PTPRD: variants seen among roughly 807,000 people sequenced by gnomAD.
The protein encoded by PTPRD is receptor-type tyrosine-protein phosphatase delta.
PTPRD carries 34 observed loss-of-function variants against 214.5 expected under a neutral mutation model. The ratio of observed to expected loss-of-function variants is 0.16; its 90% CI spans 0.12 to 0.21. The LOEUF is 0.21. Among genes scored for constraint, PTPRD ranks in the 10% least tolerant of loss-of-function variants. The probability of loss-of-function intolerance (pLI) is 1.00; values close to 1 mark genes in which losing one functional copy is unlikely to be tolerated. For synonymous variants in PTPRD, 1,128 were observed against 845.7 expected, an observed-to-expected ratio of 1.33 and a Z score of -5.79; for missense variants, 2,545 against 2,398.7, an observed-to-expected ratio of 1.06 and a Z score of -1.27.
intron 11 of PTPRD, among the ~76,000 whole-genome samples, chr9:8,849,734 G>T (rs558058604): frequency 6.6e-6 from 1 of 152,242 alleles, no homozygotes; most frequent in African/African-American, 2.4e-5. Flanking sequence ...ACTGCACAAG[G>T]GCAGAGTATC....
chr9:8,805,224 C>G (rs941592525), intron 11 of PTPRD, among the ~76,000 whole-genome samples: 32 of 152,196 alleles, frequency 2.1e-4, no homozygotes, highest in African/African-American at 6.3e-4. Context: ...TTGGTATTAC[C>G]CAAATTACAG....
At chr9:10,093,990 C>T (rs527843690) in intron 3 of PTPRD, among the ~76,000 whole-genome samples, 17 of 151,420 alleles carry the variant, frequency 1.1e-4, no homozygotes, top group African/African-American at 4.1e-4. Context: ...GGGTACTATG[C>T]TCACTACCTG....
chr9:9,024,050 G>T lies in PTPRD; in HGVS notation c.-142-5315C>A, dbSNP rs190328516. On this transcript the variant is annotated intron_variant, in intron 10 of 45. Coordinates refer to ENST00000381196, the MANE Select transcript of PTPRD (RefSeq NM_002839.4). ...ATTGAAATTTACAAAATACATTGAA[G>T]AAAAAAGACAAAAATGAAAGTCATT... is the stretch of plus-strand genomic sequence containing the variant. Among the ~76,000 whole-genome samples the T allele has an allele frequency of 2.1e-3, 325 of 151,306 alleles. 1 individual carries two copies. The highest frequency in any genetic ancestry group is 7.4e-3 in the African/African-American group (304 of 41,296).
chr9:8,495,642 C>T (rs1275976395), intron 26 of PTPRD, among the ~76,000 whole-genome samples: 1 of 152,190 alleles, frequency 6.6e-6, no homozygotes, highest in African/African-American at 2.4e-5. Context: ...GTTTATTATA[C>T]ATTTAAAGCA....
intron 10 of PTPRD, among the ~76,000 whole-genome samples, chr9:9,071,520 G>C (rs2099743715): frequency 6.6e-6 from 1 of 152,116 alleles, no homozygotes; most frequent in South Asian, 2.1e-4. Context: ...CTAAGTTGCA[G>C]GGAACTGTGA....
chr9:9,977,554 AGG>A (rs1210999613), intron 4 of PTPRD, among the ~76,000 whole-genome samples: 2 of 152,134 alleles, frequency 1.3e-5, no homozygotes, highest in Non-Finnish European at 2.9e-5. Flanking sequence ...GTGATTTTTA[AGG>A]GGTTTCCAAG....
At chr9:9,867,158 A>G (rs1408454319) in intron 5 of PTPRD, among the ~76,000 whole-genome samples, 1 of 152,124 alleles carries the variant, frequency 6.6e-6, no homozygotes, top group African/African-American at 2.4e-5. Context: ...ATTTTTCCCT[A>G]AAGCTTAACT....
At chr9:8,804,769 A>C (rs1003789448) in intron 11 of PTPRD, among the ~76,000 whole-genome samples, 1 of 152,202 alleles carries the variant, frequency 6.6e-6, no homozygotes, top group Non-Finnish European at 1.5e-5. Context: ...TGTGCTGAAG[A>C]AATAAGAGTA....
chr9:9,950,989 A>C lies in PTPRD; in HGVS notation c.-471-12379T>G, dbSNP rs116067878. Reference sequence around the variant, plus strand: ...TCTAAGAATAGAATTTGGGGGCTGGATTACTCACTGGTATGAAAGTAACAA... The same window carrying C: ...TCTAAGAATAGAATTTGGGGGCTGGCTTACTCACTGGTATGAAAGTAACAA... On this transcript the variant is annotated intron_variant, in intron 4 of 45. Coordinates refer to ENST00000381196, the MANE Select transcript of PTPRD (RefSeq NM_002839.4). 2.8e-3 allele frequency among the ~76,000 whole-genome samples: 433 copies of C among 152,288 alleles called. 3 individuals are homozygous for C. Among genetic ancestry groups the C allele is most frequent in the African/African-American group, 9.5e-3 (394 of 41,554 alleles).
chr9:8,391,784 T>C (rs1217697812), intron 36 of PTPRD, among the ~76,000 whole-genome samples: 2 of 152,058 alleles, frequency 1.3e-5, no homozygotes, highest in African/African-American at 4.8e-5. Context: ...TCCCCCCTTA[T>C]CAAGGAAAGC....
At chr9:8,701,152 C>A (rs2098073597) in intron 12 of PTPRD, among the ~76,000 whole-genome samples, 1 of 151,614 alleles carries the variant, frequency 6.6e-6, no homozygotes. Context: ...CAAAGCAAGA[C>A]TCCATCTCAA....
chr9:9,613,122 GTATACATACATACATATA>G (rs1471272719), intron 7 of PTPRD, among the ~76,000 whole-genome samples: 24 of 68,126 alleles, frequency 3.5e-4, no homozygotes, highest in African/African-American at 2.1e-3. Context: ...CTAGGCTGCA[GTATACATACATACATATA>G]TATATATATA....
intron 7 of PTPRD, among the ~76,000 whole-genome samples, chr9:9,591,488 T>C (rs77270305): frequency 1.3e-5 from 2 of 151,946 alleles, no homozygotes; most frequent in East Asian, 1.9e-4. Flanking sequence ...GAGGACCCAG[T>C]TGAGCTGCAC....
intron 3 of PTPRD, among the ~76,000 whole-genome samples, chr9:10,066,442 C>G (rs2097886555): frequency 6.6e-6 from 1 of 151,710 alleles, no homozygotes; most frequent in African/African-American, 2.4e-5. Flanking sequence ...TTTATAATTT[C>G]ATTACCAGGT....
At chr9:9,277,432 G>A (rs551724997) in intron 9 of PTPRD, among the ~76,000 whole-genome samples, 14 of 151,244 alleles carry the variant, frequency 9.3e-5, no homozygotes, top group South Asian at 4.2e-4. Context: ...AATTTTTTCC[G>A]TTGAAATTTT....
chr9:8,945,921 C>G (rs2099061202), intron 11 of PTPRD, among the ~76,000 whole-genome samples: 1 of 152,158 alleles, frequency 6.6e-6, no homozygotes, highest in Admixed American at 6.6e-5. Context: ...AAGTCATATT[C>G]AAGTTCTTAA....
chr9:8,667,054 G>A (rs1304002599), intron 12 of PTPRD, among the ~76,000 whole-genome samples: 3 of 152,124 alleles, frequency 2.0e-5, no homozygotes, highest in African/African-American at 4.8e-5. Context: ...AACAAAACCA[G>A]AAGGCCAGGC....
chr9:9,634,782 G>A (rs1164792786), intron 7 of PTPRD, among the ~76,000 whole-genome samples: 4 of 152,130 alleles, frequency 2.6e-5, no homozygotes, highest in African/African-American at 7.2e-5. Context: ...AGAGTTAAGT[G>A]TATAATATAA....
At chr9:9,874,259 A>G (rs1483922517) in intron 5 of PTPRD, among the ~76,000 whole-genome samples, 2 of 152,202 alleles carry the variant, frequency 1.3e-5, no homozygotes, top group East Asian at 1.9e-4. Flanking sequence ...GGGGAGCTCT[A>G]CTAGTAAAGC....
Sources: allele counts gnomAD v4.1 joint callset (sites outside exome capture counted in the v4.1 genomes callset), GRCh38; gene constraint gnomAD v4.1.1; transcripts MANE v1.5; gene names NCBI Gene and HGNC (gene_info 2026-07-23, HGNC 2026-07-21).